The following EYS variants were observed in gnomAD, a reference collection of about 807,000 sequenced individuals.
EYS encodes EGF-like photoreceptor maintenance factor.
EYS carries 250 observed loss-of-function variants against 282.1 expected under a neutral mutation model. That is an observed-to-expected ratio of 0.89 (90% CI 0.80 to 0.98). The LOEUF (loss-of-function observed/expected upper bound fraction) is 0.98, where lower values mean the gene tolerates loss of function less well. EYS is among the 50% of genes least tolerant of loss of function. The pLI, the probability that EYS is intolerant of heterozygous loss-of-function variation, is 0.00. For missense variants in EYS, 4,016 were observed against 3,709.0 expected (o/e 1.08, Z -2.15); for synonymous variants, 1,355 against 1,282.9 (o/e 1.06, Z -1.20).
At chr6:65,261,125 G>T (rs1379342297) in intron 12 of EYS, among the ~76,000 whole-genome samples, 2 of 152,000 alleles carry the variant, frequency 1.3e-5, no homozygotes, top group Non-Finnish European at 2.9e-5. Flanking sequence ...TTTAAGAGCA[G>T]AGAATGTTAT....
intron 12 of EYS, among the ~76,000 whole-genome samples, chr6:65,229,365 T>G (rs777633891): frequency 6.6e-6 from 1 of 151,900 alleles, no homozygotes; most frequent in African/African-American, 2.4e-5. Flanking sequence ...GGAGACAGCA[T>G]AGCAAGGATG....
At chr6:64,809,686 G>T (rs967159872) in intron 22 of EYS, among the ~76,000 whole-genome samples, 1 of 152,018 alleles carries the variant, frequency 6.6e-6, no homozygotes, top group Non-Finnish European at 1.5e-5. Context: ...CATGAGTGGA[G>T]CTGGAAGCCA....
chr6:65,646,237 CA>C (rs1248611409), intron 1 of EYS, among the ~76,000 whole-genome samples: 1 of 151,864 alleles, frequency 6.6e-6, no homozygotes, highest in African/African-American at 2.4e-5. Context: ...ACAACAAGAA[CA>C]AAAAAACTGC....
chr6:65,312,355 G>C (rs1769182658), intron 11 of EYS, among the ~76,000 whole-genome samples: 1 of 151,970 alleles, frequency 6.6e-6, no homozygotes, highest in African/African-American at 2.4e-5. Flanking sequence ...CAAGGTTTCT[G>C]TCATCTGGGT....
chr6:65,469,877 C>CT (rs1273954164), intron 5 of EYS, among the ~76,000 whole-genome samples: 1 of 152,074 alleles, frequency 6.6e-6, no homozygotes, highest in Non-Finnish European at 1.5e-5. Context: ...TAGCTTTAGC[C>CT]TAAGTATAGC....
At chr6:63,974,795 C>T (rs192348134) in intron 35 of EYS, among the ~76,000 whole-genome samples, 3 of 151,954 alleles carry the variant, frequency 2.0e-5, no homozygotes, top group Non-Finnish European at 2.9e-5. Flanking sequence ...TAATACAACA[C>T]TTATTTGCCG....
At chr6:63,869,542 T>G (rs957181468) in intron 35 of EYS, among the ~76,000 whole-genome samples, 1 of 152,170 alleles carries the variant, frequency 6.6e-6, no homozygotes, top group Admixed American at 6.5e-5. Context: ...GAAATGAAAT[T>G]AAAGTTTTGC....
At chr6:64,906,689 G>A (rs1767836731) in intron 16 of EYS, among the ~76,000 whole-genome samples, 1 of 152,136 alleles carries the variant, frequency 6.6e-6, no homozygotes, top group Admixed American at 6.5e-5. Flanking sequence ...TCCTTGTGAG[G>A]CATCTTTGCC....
chr6:64,240,206 C>G (rs1766762184), intron 30 of EYS, among the ~76,000 whole-genome samples: 1 of 152,098 alleles, frequency 6.6e-6, no homozygotes. Context: ...CAGGCTTGTT[C>G]TTTTTGCTTC....
At chr6:63,865,679 G>C (rs1315448340) in intron 35 of EYS, among the ~76,000 whole-genome samples, 6 of 152,018 alleles carry the variant, frequency 3.9e-5, no homozygotes, top group Non-Finnish European at 7.4e-5. Flanking sequence ...TTTTTCCCCA[G>C]CTATCTGTAT....
chr6:64,024,537 T>C (rs568607901), intron 33 of EYS, among the ~76,000 whole-genome samples: 1 of 152,034 alleles, frequency 6.6e-6, no homozygotes, highest in Admixed American at 6.5e-5. Flanking sequence ...TGGCAACCTG[T>C]TTGGGTCCCC....
chr6:64,792,723 G>T (rs1253385959), intron 22 of EYS, among the ~76,000 whole-genome samples: 1 of 152,000 alleles, frequency 6.6e-6, no homozygotes, highest in Non-Finnish European at 1.5e-5. Context: ...TTATTTATTT[G>T]GCATAGTCAG....
chr6:65,443,709 TATACACATATATACACATACGTG>T (rs1768533053), intron 5 of EYS, among the ~76,000 whole-genome samples: 1 of 53,860 alleles, frequency 1.9e-5, no homozygotes, highest in African/African-American at 5.2e-5. Flanking sequence ...CATATGTGCA[TATACACATATATACACATACGTG>T]CATATACACA....
intron 13 of EYS, among the ~76,000 whole-genome samples, chr6:65,048,536 A>G (rs1429286757): frequency 6.6e-6 from 1 of 151,912 alleles, no homozygotes; most frequent in East Asian, 1.9e-4. Flanking sequence ...TCCTATGAAA[A>G]AACTTGACCA....
intron 22 of EYS, among the ~76,000 whole-genome samples, chr6:64,803,373 G>C (rs1764318033): frequency 6.6e-6 from 1 of 151,312 alleles, no homozygotes; most frequent in Non-Finnish European, 1.5e-5. Flanking sequence ...GACTGAAGGT[G>C]TGTGTGTGGG....
intron 19 of EYS, among the ~76,000 whole-genome samples, chr6:64,850,719 A>T (rs966676557): frequency 6.6e-6 from 1 of 152,060 alleles, no homozygotes; most frequent in Non-Finnish European, 1.5e-5. Context: ...AGGTAACATA[A>T]TAGACATTAA....
At chr6:64,079,348 T>C (rs376637991) in intron 32 of EYS, among the ~76,000 whole-genome samples, 2 of 152,208 alleles carry the variant, frequency 1.3e-5, no homozygotes, top group East Asian at 1.9e-4. Context: ...ATAACATAAA[T>C]TCTTTGTTTT....
At chr6:65,659,687 A>G (rs1423912207) in intron 1 of EYS, among the ~76,000 whole-genome samples, 2 of 149,716 alleles carry the variant, frequency 1.3e-5, no homozygotes, top group South Asian at 2.2e-4. Flanking sequence ...CTGTCTTCTT[A>G]GCTGCTATGC....
At chr6:64,626,350 C>A in intron 22 of EYS, 105 bp from the exon 23 acceptor site, 1 of 1,351,522 alleles carries the variant, frequency 7.4e-7, no homozygotes, top group Admixed American at 3.2e-5. Flanking sequence ...AGAGCTCCAA[C>A]AACATGTAGC....
Sources: gnomAD v4.1 joint callset for allele counts (sites outside exome capture counted in the v4.1 genomes callset) on GRCh38, gnomAD v4.1.1 for gene constraint, MANE v1.5 for transcripts, NCBI Gene and HGNC (gene_info 2026-07-23, HGNC 2026-07-21) for gene names.